PTPRD: variants seen among roughly 807,000 people sequenced by gnomAD.
The protein encoded by PTPRD is receptor-type tyrosine-protein phosphatase delta.
Under a neutral mutation model 214.5 loss-of-function variants are expected in PTPRD, and 34 were observed. That is an observed-to-expected ratio of 0.16 (90% CI 0.12 to 0.21). PTPRD has a LOEUF of 0.21. Among genes scored for constraint, PTPRD ranks in the 10% least tolerant of loss-of-function variants. PTPRD has a pLI of 1.00. For missense variants in PTPRD, 2,545 were observed against 2,398.7 expected, an observed-to-expected ratio of 1.06 and a Z score of -1.27; for synonymous variants, 1,128 against 845.7, an observed-to-expected ratio of 1.33 and a Z score of -5.79.
At chr9:9,692,208 G>A (rs1232539832) in intron 7 of PTPRD, among the ~76,000 whole-genome samples, 1 of 151,178 alleles carries the variant, frequency 6.6e-6, no homozygotes, top group Non-Finnish European at 1.5e-5. Context: ...CCAGAACAAT[G>A]TGCTGGAGAG....
In PTPRD at chr9:9,257,649, C is replaced by T. The variant is rs951516379; in HGVS notation, c.-202-74286G>A. 4.6e-5 allele frequency among the ~76,000 whole-genome samples: 7 copies of T among 151,808 alleles called. No homozygotes were observed. In the South Asian group the frequency reaches 8.3e-4, roughly 18 times the overall value. On this transcript the variant is annotated intron_variant, in intron 9 of 45. Coordinates refer to ENST00000381196, the MANE Select transcript of PTPRD (RefSeq NM_002839.4). ...TCTACCAAAAATAAAAAATAAAAAA[C>T]GTAATCAGGCATGATAATGTGTGCC...
chr9:10,080,896 A>G (rs2098225657), intron 3 of PTPRD, among the ~76,000 whole-genome samples: 1 of 152,100 alleles, frequency 6.6e-6, no homozygotes, highest in Non-Finnish European at 1.5e-5. Context: ...AAATATTGGA[A>G]CAAATACATC....
chr9:10,055,293 T>C (rs961641715), intron 3 of PTPRD, among the ~76,000 whole-genome samples: 1 of 152,150 alleles, frequency 6.6e-6, no homozygotes, highest in Non-Finnish European at 1.5e-5. Context: ...AATGATCTTC[T>C]ACTTGTGTAT....
At chr9:8,420,836 A>T (rs1039164769) in intron 35 of PTPRD, among the ~76,000 whole-genome samples, 17 of 150,784 alleles carry the variant, frequency 1.1e-4, no homozygotes, top group Admixed American at 9.9e-4. Context: ...GAAAATATAA[A>T]GACACTGAGA....
intron 11 of PTPRD, among the ~76,000 whole-genome samples, chr9:8,825,700 A>G (rs993312594): frequency 6.6e-6 from 1 of 152,236 alleles, no homozygotes; most frequent in Non-Finnish European, 1.5e-5. Context: ...TTATAGACAG[A>G]GCAGCCATGA....
intron 7 of PTPRD, among the ~76,000 whole-genome samples, chr9:9,670,675 G>A (rs945391770): frequency 6.6e-6 from 1 of 152,186 alleles, no homozygotes; most frequent in Non-Finnish European, 1.5e-5. Flanking sequence ...TGCCTGCCAT[G>A]GCTGAAAGTG....
rs1015655357 is a variant in PTPRD, at chr9:8,454,149, T to C, written c.3876-4312A>G. ...GTTCTCACTAAGGCACTGTCATCAA[T>C]ATTTGCAGGATGTGAAAATGCTAAT... On this transcript the variant is annotated intron_variant, in intron 33 of 45. Coordinates refer to ENST00000381196, the MANE Select transcript of PTPRD (RefSeq NM_002839.4). Among the ~76,000 whole-genome samples, 5 of 152,186 alleles carry C rather than the reference T, an allele frequency of 3.3e-5. No homozygotes were observed. The East Asian group carries it at 7.7e-4, about 23-fold the overall frequency.
In PTPRD at chr9:8,605,914, C is replaced by G. The variant is rs35842561; in HGVS notation, c.352+27403G>C. Among the ~76,000 whole-genome samples, 804 of 152,222 alleles carry G rather than the reference C, an allele frequency of 5.3e-3. 2 individuals are homozygous for G. Among genetic ancestry groups the G allele is most frequent in the Non-Finnish European group, 7.9e-3 (538 of 68,016 alleles). ...GTAAATCAGAAGCACAGGTGTGCCA[C>G]AGCATGGATGAGTCCTTTGGGTTTT... On this transcript the variant is annotated intron_variant, in intron 14 of 45. Coordinates refer to ENST00000381196, the MANE Select transcript of PTPRD (RefSeq NM_002839.4).
intron 11 of PTPRD, among the ~76,000 whole-genome samples, chr9:8,948,928 A>T (rs912729087): frequency 3.9e-5 from 6 of 151,946 alleles, no homozygotes; most frequent in African/African-American, 1.2e-4. Flanking sequence ...TTGTAAGAAT[A>T]GTATAGTAAG....
intron 4 of PTPRD, among the ~76,000 whole-genome samples, chr9:10,010,709 A>G (rs576365993): frequency 1.3e-5 from 2 of 152,098 alleles, no homozygotes; most frequent in South Asian, 4.1e-4. Context: ...TGAGAAATCA[A>G]TGGAATAAAA....
chr9:10,325,636 A>T (rs1338353103), intron 3 of PTPRD, among the ~76,000 whole-genome samples: 1 of 151,996 alleles, frequency 6.6e-6, no homozygotes, highest in East Asian at 1.9e-4. Context: ...GTCATGAGGC[A>T]TTAAAAATGT....
chr9:8,834,194 A>G (rs997508379), intron 11 of PTPRD, among the ~76,000 whole-genome samples: 3 of 152,060 alleles, frequency 2.0e-5, no homozygotes, highest in African/African-American at 7.2e-5. Flanking sequence ...CAAGGGAAAA[A>G]GCCTGTTTTT....
chr9:9,791,693 C>A (rs971950213), intron 5 of PTPRD, among the ~76,000 whole-genome samples: 7 of 152,102 alleles, frequency 4.6e-5, no homozygotes, highest in South Asian at 4.1e-4. Context: ...GTCAAGCTAT[C>A]ATTTAGATCT....
At chr9:10,375,482 T>C (rs1200678886) in intron 2 of PTPRD, among the ~76,000 whole-genome samples, 1 of 152,014 alleles carries the variant, frequency 6.6e-6, no homozygotes, top group Non-Finnish European at 1.5e-5. Flanking sequence ...GAGGAGAAGA[T>C]ATCTGAAATG....
At chr9:9,939,569 T>C (rs984855293) in intron 4 of PTPRD, among the ~76,000 whole-genome samples, 20 of 152,212 alleles carry the variant, frequency 1.3e-4, no homozygotes, top group Admixed American at 9.8e-4. Flanking sequence ...TATTTCTTGA[T>C]CTAACTGCCA....
At chr9:10,327,901 G>A (rs2096673809) in intron 3 of PTPRD, among the ~76,000 whole-genome samples, 1 of 151,690 alleles carries the variant, frequency 6.6e-6, no homozygotes, top group Admixed American at 6.6e-5. Context: ...CTATTTGAAA[G>A]AACAAGATTT....
intron 5 of PTPRD, among the ~76,000 whole-genome samples, chr9:9,842,690 C>A (rs923466729): frequency 4.9e-5 from 7 of 142,298 alleles, no homozygotes; most frequent in Non-Finnish European, 1.1e-4. Flanking sequence ...TTTTTCTTTT[C>A]CCCCCAGATC....
intron 11 of PTPRD, among the ~76,000 whole-genome samples, chr9:8,895,110 T>C (rs2098597723): frequency 6.6e-6 from 1 of 152,234 alleles, no homozygotes; most frequent in Non-Finnish European, 1.5e-5. Flanking sequence ...ACTGTGTTAG[T>C]AACTATATTA....
intron 11 of PTPRD, among the ~76,000 whole-genome samples, chr9:8,743,861 T>G (rs757497518): frequency 3.4e-5 from 5 of 148,408 alleles, no homozygotes; most frequent in Non-Finnish European, 7.5e-5. Flanking sequence ...ACCTACAGAG[T>G]GGGAGAAAAT....
Sources: gnomAD v4.1 joint callset for allele counts (sites outside exome capture counted in the v4.1 genomes callset) on GRCh38, gnomAD v4.1.1 for gene constraint, MANE v1.5 for transcripts, NCBI Gene and HGNC (gene_info 2026-07-23, HGNC 2026-07-21) for gene names.